DLC1: variants seen among roughly 807,000 people sequenced by gnomAD.
DLC1 encodes rho GTPase-activating protein 7.
Under a neutral mutation model 140.3 loss-of-function variants are expected in DLC1, and 54 were observed. The ratio of observed to expected loss-of-function variants is 0.38; its 90% confidence interval spans 0.31 to 0.48. DLC1 has a LOEUF of 0.48. Ranked by LOEUF, DLC1 falls within the 20% of genes least tolerant of loss-of-function variation. The pLI is 0.96. For missense variants in DLC1, 2,536 were observed against 1,907.0 expected, an observed-to-expected ratio of 1.33 and a Z score of -6.14; for synonymous variants, 986 against 728.1, an observed-to-expected ratio of 1.35 and a Z score of -5.70.
intron 5 of DLC1, among the ~76,000 whole-genome samples, chr8:13,251,314 G>A (rs4377962): frequency 0.23 from 35,509 of 151,876 alleles, 4,314 homozygotes; most frequent in South Asian, 0.34. Flanking sequence ...GATGGGGCAG[G>A]GTGGGAAATT....
intron 4 of DLC1, among the ~76,000 whole-genome samples, chr8:13,369,535 A>G (rs1835639649): frequency 1.3e-5 from 2 of 152,212 alleles, no homozygotes; most frequent in Admixed American, 1.3e-4. Flanking sequence ...TCCTTTGATG[A>G]GTTCTCTCAT....
chr8:13,115,539 G>C, intron 6 of DLC1, 47 bp downstream of exon 6: 1 of 1,526,826 alleles, frequency 6.5e-7, no homozygotes. Context: ...TCGCGAACAA[G>C]GGATTATGAT....
intron 5 of DLC1, among the ~76,000 whole-genome samples, chr8:13,181,002 A>C (rs916770857): frequency 6.6e-5 from 10 of 151,838 alleles, no homozygotes; most frequent in Admixed American, 2.6e-4. Flanking sequence ...GAAGATATCT[A>C]TTTTGAAATT....
chr8:13,192,244 C>T (rs2117030305), intron 5 of DLC1, among the ~76,000 whole-genome samples: 1 of 151,170 alleles, frequency 6.6e-6, no homozygotes, highest in African/African-American at 2.4e-5. Flanking sequence ...AGCCACTGTG[C>T]CCAGCCAGCC....
chr8:13,417,650 G>T (rs1456897904), intron 2 of DLC1, among the ~76,000 whole-genome samples: 1 of 152,056 alleles, frequency 6.6e-6, no homozygotes, highest in Non-Finnish European at 1.5e-5. Context: ...TTGCTATTGT[G>T]AATAGTGCCG....
chr8:13,239,014 T>C (rs1011862470), intron 5 of DLC1, among the ~76,000 whole-genome samples: 3 of 152,192 alleles, frequency 2.0e-5, no homozygotes, highest in African/African-American at 7.2e-5. Context: ...GGCAGTGTGA[T>C]GTGATTTGGA....
At chr8:13,456,697 G>T (rs1429373827) in intron 2 of DLC1, among the ~76,000 whole-genome samples, 1 of 152,132 alleles carries the variant, frequency 6.6e-6, no homozygotes, top group Non-Finnish European at 1.5e-5. Flanking sequence ...GACTTCAAAT[G>T]ATCCACCTGC....
intron 5 of DLC1, among the ~76,000 whole-genome samples, chr8:13,294,081 C>T (rs181262874): frequency 2.8e-4 from 43 of 152,220 alleles, no homozygotes; most frequent in Admixed American, 8.5e-4. Flanking sequence ...TTTCACTATG[C>T]GGAAAACCCC....
intron 5 of DLC1, among the ~76,000 whole-genome samples, chr8:13,154,710 G>C (rs536191888): frequency 3.3e-4 from 50 of 152,346 alleles, no homozygotes; most frequent in African/African-American, 1.2e-3. Context: ...GGCCTGAGGA[G>C]GCGCCGAGAG....
At chr8:13,326,642 C>T (rs1334876484) in intron 4 of DLC1, among the ~76,000 whole-genome samples, 1 of 152,104 alleles carries the variant, frequency 6.6e-6, no homozygotes, top group African/African-American at 2.4e-5. Flanking sequence ...CCTGGGACTC[C>T]TAGGTATTCC....
intron 2 of DLC1, among the ~76,000 whole-genome samples, chr8:13,403,807 G>GTTTTTTTTTT (rs369715973): frequency 2.3e-5 from 2 of 87,292 alleles, no homozygotes; most frequent in Non-Finnish European, 2.1e-5. Flanking sequence ...AGGTCTGGCT[G>GTTTTTTTTTT]TTTTTTTTTT....
At chr8:13,521,597 G>A (rs1168169462) in intron 1 of DLC1, among the ~76,000 whole-genome samples, 1 of 152,040 alleles carries the variant, frequency 6.6e-6, no homozygotes, top group African/African-American at 2.4e-5. Flanking sequence ...TAAAAGCTCT[G>A]CTCTGGTTAA....
intron 5 of DLC1, among the ~76,000 whole-genome samples, chr8:13,184,901 T>TA (rs1826258940): frequency 6.6e-6 from 1 of 152,194 alleles, no homozygotes; most frequent in South Asian, 2.1e-4. Context: ...AGAGGGGTGT[T>TA]AAAGTCTCTC....
chr8:13,322,236 G>A (rs187268462), intron 4 of DLC1, among the ~76,000 whole-genome samples: 5 of 152,214 alleles, frequency 3.3e-5, no homozygotes, highest in Admixed American at 2.6e-4. Flanking sequence ...ACCCACTGCT[G>A]TTGAATACCT....
chr8:13,600,319 G>A (rs1416405865), intron 1 of DLC1, among the ~76,000 whole-genome samples: 5 of 152,028 alleles, frequency 3.3e-5, no homozygotes, highest in African/African-American at 1.2e-4. Flanking sequence ...GAAGAGACCA[G>A]TTAATGAATT....
intron 5 of DLC1, among the ~76,000 whole-genome samples, chr8:13,154,496 G>T (rs1824099620): frequency 1.3e-5 from 2 of 152,188 alleles, no homozygotes; most frequent in African/African-American, 2.4e-5. Context: ...TCCGAGTGCG[G>T]GGCCTGCCGA....
intron 5 of DLC1, among the ~76,000 whole-genome samples, chr8:13,255,492 A>G (rs148317424): frequency 5.3e-5 from 8 of 152,302 alleles, no homozygotes; most frequent in Non-Finnish European, 8.8e-5. Flanking sequence ...TACTCAGCAA[A>G]TAGTTTTTGA....
chr8:13,424,460 G>C lies in DLC1; in HGVS notation c.1024-22841C>G, dbSNP rs545578647. 1.8e-3 allele frequency among the ~76,000 whole-genome samples: 271 copies of C among 152,162 alleles called. 1 individual carries two copies. Among genetic ancestry groups the C allele is most frequent in the African/African-American group, 6.3e-3 (263 of 41,546 alleles). ...GCAGAGATCACGCCACTTCACTCCAGCCTGGGCGACAGAGAGAGACTCTGT... is the reference window on the plus strand; with the variant it reads ...GCAGAGATCACGCCACTTCACTCCACCCTGGGCGACAGAGAGAGACTCTGT... On this transcript the variant is annotated intron_variant, in intron 2 of 17. Transcript: ENST00000276297.
intron 4 of DLC1, among the ~76,000 whole-genome samples, chr8:13,378,322 G>A (rs183190409): frequency 6.6e-6 from 1 of 151,388 alleles, no homozygotes; most frequent in African/African-American, 2.4e-5. Context: ...AGGCCCCACA[G>A]TTATCTAAAT....
Sources: allele counts gnomAD v4.1 joint callset (sites outside exome capture counted in the v4.1 genomes callset), GRCh38; gene constraint gnomAD v4.1.1; transcripts MANE v1.5; gene names NCBI Gene and HGNC (gene_info 2026-07-23, HGNC 2026-07-21).